Variants in NRG3 observed in about 807,000 individuals in gnomAD.
NRG3 encodes neuregulin 3.
NRG3 carries 31 observed loss-of-function variants against 66.9 expected under a neutral mutation model. That is an observed-to-expected ratio of 0.46 (90% CI 0.35 to 0.63). The LOEUF (loss-of-function observed/expected upper bound fraction) is 0.63, where lower values mean the gene tolerates loss of function less well. Ranked by LOEUF, NRG3 falls within the 20% of genes least tolerant of loss-of-function variation. The probability of loss-of-function intolerance (pLI) is 0.00; values close to 1 mark genes in which losing one functional copy is unlikely to be tolerated. For synonymous variants in NRG3, 393 were observed against 359.4 expected, an observed-to-expected ratio of 1.09 and a Z score of -1.06; for missense variants, 910 against 878.9, an observed-to-expected ratio of 1.04 and a Z score of -0.45.
At chr10:82,913,014 A>G (rs996663376) in intron 4 of NRG3, among the ~76,000 whole-genome samples, 4 of 152,144 alleles carry the variant, frequency 2.6e-5, no homozygotes, top group Non-Finnish European at 5.9e-5. Flanking sequence ...TCTCAAAGTC[A>G]GGAGATCGAG....
chr10:82,751,278 A>T (rs2058852410), intron 3 of NRG3, among the ~76,000 whole-genome samples: 2 of 152,172 alleles, frequency 1.3e-5, no homozygotes, highest in Non-Finnish European at 1.5e-5. Flanking sequence ...GGTGGAATTG[A>T]TCTGGCAGAT....
chr10:82,168,877 T>A (rs770563438), intron 1 of NRG3, among the ~76,000 whole-genome samples: 10 of 152,214 alleles, frequency 6.6e-5, no homozygotes, highest in Non-Finnish European at 1.5e-4. Context: ...TCAATTTTTC[T>A]GACTTCTAGA....
At chr10:82,594,061 T>C (rs1451695828) in intron 2 of NRG3, among the ~76,000 whole-genome samples, 2 of 152,184 alleles carry the variant, frequency 1.3e-5, no homozygotes, top group Non-Finnish European at 2.9e-5. Flanking sequence ...GGTTGTTTTC[T>C]GAGGCTTTAA....
intron 2 of NRG3, among the ~76,000 whole-genome samples, chr10:82,603,398 A>G (rs112753478): frequency 2.0e-5 from 3 of 152,338 alleles, no homozygotes; most frequent in African/African-American, 7.2e-5. Context: ...CCTCATTTGT[A>G]TAGTCACAAA....
chr10:82,870,641 A>T (rs1841255890), intron 4 of NRG3, among the ~76,000 whole-genome samples: 1 of 152,148 alleles, frequency 6.6e-6, no homozygotes, highest in African/African-American at 2.4e-5. Flanking sequence ...TAGGTATGTA[A>T]TGGTAACTCA....
intron 1 of NRG3, among the ~76,000 whole-genome samples, chr10:82,026,471 T>C (rs1457986046): frequency 6.6e-6 from 1 of 152,070 alleles, no homozygotes; most frequent in Non-Finnish European, 1.5e-5. Context: ...GTGTTACTGA[T>C]GATGTTTCGG....
intron 4 of NRG3, among the ~76,000 whole-genome samples, chr10:82,940,432 A>G (rs1365061283): frequency 1.3e-5 from 2 of 151,914 alleles, no homozygotes; most frequent in East Asian, 1.9e-4. Context: ...TGTTCTCCCT[A>G]TGTGTGTATG....
At chr10:82,428,045 T>C (rs966604849) in intron 2 of NRG3, among the ~76,000 whole-genome samples, 1 of 152,006 alleles carries the variant, frequency 6.6e-6, no homozygotes, top group African/African-American at 2.4e-5. Flanking sequence ...AGTTTGGAAG[T>C]GATATCTCCT....
intron 3 of NRG3, among the ~76,000 whole-genome samples, chr10:82,837,250 T>A (rs494701): frequency 0.22 from 33,658 of 151,996 alleles, 4,128 homozygotes; most frequent in East Asian, 0.32. Flanking sequence ...TCCTTTGGGT[T>A]TATACCCAGT....
chr10:82,266,840 A>G (rs1401502683), intron 1 of NRG3, among the ~76,000 whole-genome samples: 1 of 152,198 alleles, frequency 6.6e-6, no homozygotes, highest in African/African-American at 2.4e-5. Context: ...AAGCCATCTC[A>G]TAGCAGGTTA....
intron 1 of NRG3, among the ~76,000 whole-genome samples, chr10:82,083,627 C>T (rs1039366052): frequency 1.8e-4 from 25 of 141,990 alleles, no homozygotes; most frequent in Middle Eastern, 3.7e-3. Flanking sequence ...GACAGAGTTT[C>T]GCTCTTGTCC....
At chr10:82,919,395 A>G (rs1451356135) in intron 4 of NRG3, among the ~76,000 whole-genome samples, 1 of 152,150 alleles carries the variant, frequency 6.6e-6, no homozygotes, top group East Asian at 1.9e-4. Flanking sequence ...ATTTAAAATT[A>G]AATGACACTA....
At chr10:82,811,411 G>T (rs2061489275) in intron 3 of NRG3, among the ~76,000 whole-genome samples, 1 of 152,110 alleles carries the variant, frequency 6.6e-6, no homozygotes. Context: ...GGCTTGTGGC[G>T]ACCTTCTAAA....
chr10:82,298,353 G>A (rs2080201338), intron 1 of NRG3, among the ~76,000 whole-genome samples: 1 of 152,088 alleles, frequency 6.6e-6, no homozygotes, highest in African/African-American at 2.4e-5. Context: ...AAAGTAGTGT[G>A]TTAATGGTGT....
intron 1 of NRG3, among the ~76,000 whole-genome samples, chr10:82,028,544 A>C (rs1589834203): frequency 6.6e-6 from 1 of 152,148 alleles, no homozygotes; most frequent in East Asian, 1.9e-4. Flanking sequence ...GGATGTGAAA[A>C]ATATTCCTGT....
intron 2 of NRG3, among the ~76,000 whole-genome samples, chr10:82,359,546 AGGG>A (rs776378397): frequency 1.3e-5 from 2 of 152,184 alleles, no homozygotes; most frequent in Admixed American, 1.3e-4. Context: ...AATAAAAACA[AGGG>A]GGGATAAAGA....
intron 3 of NRG3, among the ~76,000 whole-genome samples, chr10:82,789,531 AT>A (rs1190998590): frequency 6.6e-6 from 1 of 151,988 alleles, no homozygotes; most frequent in Non-Finnish European, 1.5e-5. Flanking sequence ...ATGGCATATC[AT>A]TTTTCTATCC....
chr10:82,256,314 T>C (rs17099664), intron 1 of NRG3, among the ~76,000 whole-genome samples: 16,871 of 152,274 alleles, frequency 0.11, 1,972 homozygotes, highest in African/African-American at 0.28. Flanking sequence ...AATACTCAGA[T>C]GTATCTACCT....
intron 1 of NRG3, among the ~76,000 whole-genome samples, chr10:81,895,736 G>A (rs1185101790): frequency 6.6e-6 from 1 of 152,148 alleles, no homozygotes; most frequent in African/African-American, 2.4e-5. Context: ...CTTCTTCTAA[G>A]ATACCTGAAC....
Sources: gnomAD v4.1 joint callset for allele counts (sites outside exome capture counted in the v4.1 genomes callset) on GRCh38, gnomAD v4.1.1 for gene constraint, MANE v1.5 for transcripts, NCBI Gene and HGNC (gene_info 2026-07-23, HGNC 2026-07-21) for gene names.